Variants in PACRG observed in about 807,000 individuals in gnomAD.
PACRG encodes the protein parkin coregulated, also known as parkin coregulated gene protein.
In PACRG, 29 loss-of-function variants were observed where a neutral mutation model predicts 29.7. That is an observed-to-expected ratio of 0.98 (90% CI 0.73 to 1.33). The LOEUF (loss-of-function observed/expected upper bound fraction) is 1.33. Ranked by LOEUF, PACRG falls within the 40% of genes most tolerant of loss-of-function variation. The probability of loss-of-function intolerance (pLI) is 0.00; values close to 1 mark genes in which losing one functional copy is unlikely to be tolerated. For missense variants in PACRG, 279 were observed against 316.2 expected (o/e 0.88, Z 0.89); for synonymous variants, 116 against 118.7 (o/e 0.98, Z 0.15).
intron 2 of PACRG, among the ~76,000 whole-genome samples, chr6:162,926,409 A>G (rs1049994324): frequency 6.6e-6 from 1 of 152,186 alleles, no homozygotes; most frequent in African/African-American, 2.4e-5. Context: ...ACTATACTGC[A>G]AGGCTACATT....
intron 4 of PACRG, among the ~76,000 whole-genome samples, chr6:163,159,988 TC>T (rs1778489710): frequency 6.6e-6 from 1 of 152,160 alleles, no homozygotes; most frequent in Non-Finnish European, 1.5e-5. Flanking sequence ...AGGCTGGCTT[TC>T]CCCATCAGGT....
intron 4 of PACRG, among the ~76,000 whole-genome samples, chr6:163,151,347 A>T (rs1046273353): frequency 2.6e-5 from 4 of 152,116 alleles, no homozygotes; most frequent in African/African-American, 4.8e-5. Flanking sequence ...GTGAGAGCAA[A>T]TTCCACAGTG....
chr6:162,942,298 A>G (rs1798687889), intron 2 of PACRG, among the ~76,000 whole-genome samples: 1 of 152,156 alleles, frequency 6.6e-6, no homozygotes, highest in Non-Finnish European at 1.5e-5. Context: ...TATCACTGGT[A>G]TTGCTTTCAA....
chr6:162,804,170 G>C (rs532850744), intron 1 of PACRG, among the ~76,000 whole-genome samples: 1 of 152,158 alleles, frequency 6.6e-6, no homozygotes, highest in African/African-American at 2.4e-5. Flanking sequence ...TTAATAGGTG[G>C]TAGGATTACA....
chr6:163,225,385 C>T (rs1201172604), intron 4 of PACRG, among the ~76,000 whole-genome samples: 1 of 152,180 alleles, frequency 6.6e-6, no homozygotes, highest in African/African-American at 2.4e-5. Flanking sequence ...GCTCTTCCTC[C>T]TTAGCTCCTC....
chr6:163,192,926 A>AT (rs1447504116), intron 4 of PACRG, among the ~76,000 whole-genome samples: 1 of 151,924 alleles, frequency 6.6e-6, no homozygotes, highest in East Asian at 1.9e-4. Flanking sequence ...TTGGATCTCC[A>AT]TTTTTTCCAA....
intron 2 of PACRG, among the ~76,000 whole-genome samples, chr6:162,933,797 C>T (rs1036533024): frequency 3.3e-5 from 5 of 151,948 alleles, no homozygotes; most frequent in Non-Finnish European, 7.4e-5. Context: ...CATGGTTCTA[C>T]TAGAAAGTTC....
chr6:163,256,599 C>T (rs1253716061), intron 4 of PACRG, among the ~76,000 whole-genome samples: 1 of 152,146 alleles, frequency 6.6e-6, no homozygotes, highest in Non-Finnish European at 1.5e-5. Context: ...GGAAAACGTT[C>T]CAGCCCACAG....
rs1781097128 is a variant in PACRG, at chr6:162,747,356, A to ATGTG, written c.156+18966_156+18967insGTGT. On this transcript the variant is annotated intron_variant, in intron 1 of 4. Coordinates refer to ENST00000366888, the MANE Select transcript of PACRG (RefSeq NM_001080379.2). The stretch of plus-strand genomic sequence containing the variant: ...TATATATATATATATATATATATAT[A>ATGTG]TATATATACACATACATATATATGT... Among the ~76,000 whole-genome samples the ATGTG allele has an allele frequency of 4.1e-5, 3 of 72,912 alleles. 1 individual carries two copies. The highest frequency in any genetic ancestry group is 2.3e-4 in the African/African-American group (3 of 12,968). The allele number at this position is 72,912 out of a possible 152,430, so 47.8% of individuals were successfully genotyped here. A position where few individuals can be genotyped will look rare whatever the true frequency, so the allele number is the denominator to read the frequency against.
chr6:163,074,476 C>T (rs1052292044), intron 3 of PACRG, among the ~76,000 whole-genome samples: 6 of 152,048 alleles, frequency 3.9e-5, no homozygotes, highest in South Asian at 2.1e-4. Flanking sequence ...AGAAATAGTA[C>T]GACCTAGTAT....
chr6:162,896,640 G>A (rs888356777), intron 2 of PACRG, among the ~76,000 whole-genome samples: 17 of 152,192 alleles, frequency 1.1e-4, no homozygotes, highest in African/African-American at 4.1e-4. Flanking sequence ...ACGTATCCAT[G>A]TGTTCATTTA....
At chr6:162,729,852 G>A (rs904601435) in intron 1 of PACRG, among the ~76,000 whole-genome samples, 5 of 151,958 alleles carry the variant, frequency 3.3e-5, no homozygotes, top group East Asian at 3.9e-4. Flanking sequence ...ATTGCCAAAT[G>A]TAATAAGTAT....
At chr6:163,114,230 A>G (rs1053393766) in intron 4 of PACRG, among the ~76,000 whole-genome samples, 5 of 152,214 alleles carry the variant, frequency 3.3e-5, no homozygotes, top group African/African-American at 7.2e-5. Flanking sequence ...AGCCTGGGTG[A>G]GAGAACTGAG....
At chr6:162,850,384 C>T (rs1438581813) in intron 2 of PACRG, among the ~76,000 whole-genome samples, 1 of 152,128 alleles carries the variant, frequency 6.6e-6, no homozygotes, top group Non-Finnish European at 1.5e-5. Flanking sequence ...AAATGATATC[C>T]TTTTTTATGC....
chr6:162,775,580 G>A (rs1783581333), intron 1 of PACRG, among the ~76,000 whole-genome samples: 1 of 152,112 alleles, frequency 6.6e-6, no homozygotes, highest in Non-Finnish European at 1.5e-5. Context: ...AATAGCATAA[G>A]AGAGATTTAA....
intron 2 of PACRG, among the ~76,000 whole-genome samples, chr6:162,951,436 TTC>T (rs1799642322): frequency 1.3e-5 from 2 of 152,338 alleles, no homozygotes; most frequent in South Asian, 2.1e-4. Flanking sequence ...CAAACCAGAA[TTC>T]TCTGTCAGAT....
Position 163,108,392 on chromosome 6 carries a change from CTTTTTTT to C in PACRG, c.613+19002_613+19008del, listed in dbSNP as rs528887997. On this transcript the variant is annotated intron_variant, in intron 4 of 4. Transcript: ENST00000366888. ...AGCCAATTATACCTCTTCTCTTTCC[CTTTTTTT>C]TTTTTTTTTTTTTTTTTGACGGTGT... Among the ~76,000 whole-genome samples the C allele has an allele frequency of 6.7e-4, 61 of 90,542 alleles. 1 individual carries two copies. The Admixed American group carries it at 6.7e-3, about 10-fold the overall frequency. The allele number at this position is 90,542 out of a possible 152,430, so 59.4% of individuals were successfully genotyped here. A position where few individuals can be genotyped will look rare whatever the true frequency, so the allele number is the denominator to read the frequency against.
intron 2 of PACRG, among the ~76,000 whole-genome samples, chr6:162,884,669 A>T (rs576362118): frequency 4.7e-4 from 72 of 152,214 alleles, no homozygotes; most frequent in Non-Finnish European, 9.6e-4. Context: ...AAATTTGAAC[A>T]CAATGGTGTT....
At chr6:162,812,044 T>C (rs1289735717) in intron 1 of PACRG, among the ~76,000 whole-genome samples, 1 of 152,034 alleles carries the variant, frequency 6.6e-6, no homozygotes, top group Non-Finnish European at 1.5e-5. Flanking sequence ...ATAACAAAAT[T>C]ATAGAAATGA....
Sources: allele counts gnomAD v4.1 joint callset (sites outside exome capture counted in the v4.1 genomes callset), GRCh38; gene constraint gnomAD v4.1.1; transcripts MANE v1.5; gene names NCBI Gene and HGNC (gene_info 2026-07-23, HGNC 2026-07-21).